GPM6A: variants seen among roughly 807,000 people sequenced by gnomAD.
The protein encoded by GPM6A is glycoprotein M6A.
GPM6A carries 7 observed loss-of-function variants against 32.1 expected under a neutral mutation model. The observed-to-expected ratio is 0.22, with a 90% CI of 0.12 to 0.41. The LOEUF (loss-of-function observed/expected upper bound fraction) is 0.41, where lower values mean the gene tolerates loss of function less well. Ranked by LOEUF, GPM6A falls within the 10% of genes least tolerant of loss-of-function variation. The probability of loss-of-function intolerance (pLI) is 1.00; values close to 1 mark genes in which losing one functional copy is unlikely to be tolerated. For synonymous variants in GPM6A, 130 were observed against 123.4 expected (o/e 1.05, Z -0.35); for missense variants, 235 against 347.2 (o/e 0.68, Z 2.57).
intron 1 of GPM6A, among the ~76,000 whole-genome samples, chr4:175,831,594 C>T (rs1305425213): frequency 2.0e-5 from 3 of 152,054 alleles, no homozygotes; most frequent in African/African-American, 7.2e-5. Flanking sequence ...TGACAGGCTA[C>T]TCCCACCCTT....
chr4:175,994,654 C>G (rs2126466562), intron 1 of GPM6A, among the ~76,000 whole-genome samples: 1 of 152,308 alleles, frequency 6.6e-6, no homozygotes, highest in Admixed American at 6.5e-5. Flanking sequence ...CTGTTGACGG[C>G]TGCTGACTGA....
chr4:175,634,351 A>T lies in GPM6A; in HGVS notation c.*554T>A, dbSNP rs909946044. ...AATTTAGAAATTGCACCTTAGATTG[A>T]TGAAAACATGAACCAGGGCCTACAG... On this transcript the variant is annotated 3_prime_UTR_variant, in exon 7 of 7. Coordinates refer to ENST00000393658, the MANE Select transcript of GPM6A (RefSeq NM_201591.3). 2.6e-5 allele frequency: 4 copies of T among 152,582 alleles called. No homozygotes were observed. The highest frequency in any genetic ancestry group is 9.6e-5 in the African/African-American group (4 of 41,530). 9.5% of individuals were successfully genotyped at this position (152,582 alleles called of 1,614,324 possible). A position where few individuals can be genotyped will look rare whatever the true frequency, so the allele number is the denominator to read the frequency against.
intron 1 of GPM6A, among the ~76,000 whole-genome samples, chr4:175,882,555 T>A (rs1445660219): frequency 1.3e-5 from 2 of 152,058 alleles, no homozygotes; most frequent in African/African-American, 4.8e-5. Flanking sequence ...AAGAAATGTT[T>A]AAATGTTTAA....
At chr4:175,693,532 T>C (rs771876392) in intron 2 of GPM6A, among the ~76,000 whole-genome samples, 1 of 152,064 alleles carries the variant, frequency 6.6e-6, no homozygotes, top group East Asian at 1.9e-4. Flanking sequence ...AACACTTTAA[T>C]TGATAAGCAA....
intron 1 of GPM6A, among the ~76,000 whole-genome samples, chr4:175,803,797 C>T (rs1734572494): frequency 6.6e-6 from 1 of 152,058 alleles, no homozygotes; most frequent in African/African-American, 2.4e-5. Context: ...AAACTCCTGG[C>T]CCTTATACAT....
chr4:175,820,650 C>T (rs890112221), intron 1 of GPM6A, among the ~76,000 whole-genome samples: 1 of 151,924 alleles, frequency 6.6e-6, no homozygotes. Context: ...CAGGCATGCG[C>T]CACCACGCCC....
chr4:175,748,721 G>C (rs2111183147), intron 1 of GPM6A, among the ~76,000 whole-genome samples: 1 of 152,264 alleles, frequency 6.6e-6, no homozygotes, highest in Non-Finnish European at 1.5e-5. Context: ...AAGAGAGTCA[G>C]CCTGTCCTTT....
At chr4:175,886,771 A>T (rs1369636194) in intron 1 of GPM6A, among the ~76,000 whole-genome samples, 6 of 151,646 alleles carry the variant, frequency 4.0e-5, no homozygotes, top group Non-Finnish European at 7.4e-5. Flanking sequence ...ACACACCAAT[A>T]AGACAACAGA....
intron 1 of GPM6A, among the ~76,000 whole-genome samples, chr4:175,946,110 T>C (rs1024248851): frequency 2.0e-5 from 3 of 152,066 alleles, no homozygotes; most frequent in Non-Finnish European, 4.4e-5. Flanking sequence ...AAAACAGTAC[T>C]TGTACCCCCT....
At chr4:175,860,952 T>C (rs1736556037) in intron 1 of GPM6A, among the ~76,000 whole-genome samples, 2 of 151,932 alleles carry the variant, frequency 1.3e-5, no homozygotes, top group Admixed American at 1.3e-4. Context: ...TTTCCTCACA[T>C]AAATATCTCA....
intron 1 of GPM6A, among the ~76,000 whole-genome samples, chr4:175,846,289 C>T (rs780937539): frequency 1.3e-5 from 2 of 152,060 alleles, no homozygotes; most frequent in African/African-American, 4.8e-5. Flanking sequence ...TGAAAACTTA[C>T]CAAATTTTGT....
chr4:175,957,689 G>T (rs1579663455), intron 1 of GPM6A, among the ~76,000 whole-genome samples: 1 of 152,038 alleles, frequency 6.6e-6, no homozygotes, highest in Non-Finnish European at 1.5e-5. Context: ...TTCTGCACAT[G>T]TATCCCAGAA....
intron 1 of GPM6A, among the ~76,000 whole-genome samples, chr4:175,822,662 G>GTT (rs11413922): frequency 2.0e-5 from 3 of 149,938 alleles, no homozygotes; most frequent in Non-Finnish European, 3.0e-5. Flanking sequence ...TTTTTTTTTT[G>GTT]TTTTTTGAAA....
At chr4:175,894,106 A>G (rs1307702610) in intron 1 of GPM6A, among the ~76,000 whole-genome samples, 1 of 152,148 alleles carries the variant, frequency 6.6e-6, no homozygotes, top group Non-Finnish European at 1.5e-5. Context: ...GTGGCTGATA[A>G]TTTCACAAGT....
At chr4:175,921,674 T>G (rs1738672850) in intron 1 of GPM6A, among the ~76,000 whole-genome samples, 1 of 152,222 alleles carries the variant, frequency 6.6e-6, no homozygotes, top group East Asian at 1.9e-4. Flanking sequence ...CAGTTTTGTA[T>G]GCAAGAATAG....
At chr4:175,645,897 A>G (rs1277174479) in intron 4 of GPM6A, among the ~76,000 whole-genome samples, 1 of 152,192 alleles carries the variant, frequency 6.6e-6, no homozygotes, top group East Asian at 1.9e-4. Flanking sequence ...TAAAGATGAT[A>G]AAATACCAGC....
intron 1 of GPM6A, among the ~76,000 whole-genome samples, chr4:175,992,062 A>ACGCGCG: frequency 7.0e-6 from 1 of 142,272 alleles, no homozygotes; most frequent in Admixed American, 6.9e-5. Context: ...ACACACATGC[A>ACGCGCG]CACACACACA....
chr4:175,866,470 T>C (rs1372568148), intron 1 of GPM6A, among the ~76,000 whole-genome samples: 2 of 152,192 alleles, frequency 1.3e-5, no homozygotes, highest in African/African-American at 4.8e-5. Flanking sequence ...ATTTTTACTA[T>C]CACCATTCTG....
intron 1 of GPM6A, among the ~76,000 whole-genome samples, chr4:175,867,419 T>C (rs1193113849): frequency 6.6e-6 from 1 of 152,144 alleles, no homozygotes; most frequent in African/African-American, 2.4e-5. Context: ...CCAGTTTGAG[T>C]TCGTTTTTGT....
Sources: gnomAD v4.1 joint callset for allele counts (sites outside exome capture counted in the v4.1 genomes callset) on GRCh38, gnomAD v4.1.1 for gene constraint, MANE v1.5 for transcripts, NCBI Gene and HGNC (gene_info 2026-07-23, HGNC 2026-07-21) for gene names.